USP28: variants seen among roughly 807,000 people sequenced by gnomAD.
USP28 encodes the protein ubiquitin specific peptidase 28, also known as ubiquitin carboxyl-terminal hydrolase 28.
A neutral mutation model predicts 145.0 loss-of-function variants in USP28; 113 were observed. The observed-to-expected ratio is 0.78, with a 90% confidence interval of 0.67 to 0.91. The LOEUF is 0.91. Ranked by LOEUF, USP28 falls within the 40% of genes least tolerant of loss-of-function variation. The pLI is 0.00. For missense variants in USP28, 1,201 were observed against 1,289.6 expected, an observed-to-expected ratio of 0.93 and a Z score of 1.05; for synonymous variants, 447 against 450.9, an observed-to-expected ratio of 0.99 and a Z score of 0.11.
intron 1 of USP28, among the ~76,000 whole-genome samples, chr11:113,868,430 G>C (rs1192897863): frequency 2.0e-5 from 3 of 152,076 alleles, no homozygotes; most frequent in Admixed American, 2.0e-4. Context: ...AATTATTAAA[G>C]TGCTACATAG....
chr11:113,819,000 A>G lies in USP28; in HGVS notation c.1284-1163T>C, dbSNP rs555156430. Among the ~76,000 whole-genome samples, 9 of 152,312 alleles carry G rather than the reference A, an allele frequency of 5.9e-5. No homozygotes were observed. In the South Asian group the frequency reaches 1.9e-3, roughly 32 times the overall value. On this transcript the variant is annotated intron_variant, in intron 12 of 24. Transcript: ENST00000003302. ...CAATGTACACCTCTATCAGTTTAGTAGAATCAGAGCAAAAGTGGTTAAAAA... is the reference window on the plus strand; with the variant it reads ...CAATGTACACCTCTATCAGTTTAGTGGAATCAGAGCAAAAGTGGTTAAAAA...
chr11:113,823,602 C>G lies in USP28; in HGVS notation c.1283+3G>C. 1 of 1,606,536 alleles carries G rather than the reference C, an allele frequency of 6.2e-7. No individual in the cohort carries two copies. The highest frequency in any genetic ancestry group is 8.5e-7 in the Non-Finnish European group (1 of 1,176,756). On this transcript the variant is annotated splice_donor_region_variant and intron_variant, in intron 12 of 24. Transcript: ENST00000003302. The stretch of plus-strand genomic sequence containing the variant: ...TCTAAGCATGAAGGTGTCCAAAACT[C>G]ACCTTTCCAATTTTTGCTGCAGAAT...
At chr11:113,811,619 C>G (rs748504451) in intron 16 of USP28, among the ~76,000 whole-genome samples, 1 of 152,016 alleles carries the variant, frequency 6.6e-6, no homozygotes, top group African/African-American at 2.4e-5. Context: ...ACCTGGCAGG[C>G]GGAGGTTGCA....
chr11:113,856,144 G>A lies in USP28; in HGVS notation c.58-1809C>T, dbSNP rs569177711. 2.6e-4 allele frequency among the ~76,000 whole-genome samples: 39 copies of A among 152,272 alleles called. No homozygotes were observed. In the East Asian group the frequency reaches 6.8e-3, roughly 26 times the overall value. On this transcript the variant is annotated intron_variant, in intron 1 of 24. Coordinates refer to ENST00000003302, the Ensembl canonical transcript of USP28. ...TAAAATCGCAAGCATGTAATTTTTA[G>A]AAAAATTAAATACTAGTTGTTTTAA...
intron 13 of USP28, among the ~76,000 whole-genome samples, chr11:113,817,323 T>C (rs1221037902): frequency 2.6e-5 from 4 of 152,206 alleles, no homozygotes; most frequent in African/African-American, 9.7e-5. Context: ...ATGAGATGTT[T>C]TGGAAGAGCA....
intron 1 of USP28, among the ~76,000 whole-genome samples, chr11:113,865,629 C>T (rs1232873366): frequency 1.3e-5 from 2 of 152,160 alleles, no homozygotes; most frequent in East Asian, 3.8e-4. Flanking sequence ...GGTATTGGTA[C>T]AACTGGATAT....
At chr11:113,869,339 G>T (rs1165618805) in intron 1 of USP28, among the ~76,000 whole-genome samples, 1 of 152,186 alleles carries the variant, frequency 6.6e-6, no homozygotes, top group Non-Finnish European at 1.5e-5. Context: ...AGAGGCAGAA[G>T]AATCAATAGA....
At chr11:113,803,161 A>G (rs1178654244) in exon 23 of USP28, 1 of 1,613,360 alleles carries the variant, frequency 6.2e-7, no homozygotes, top group African/African-American at 1.3e-5. Context: ...TACAAACCAG[A>G]AGGCATTTTC....
intron 17 of USP28, among the ~76,000 whole-genome samples, chr11:113,808,688 T>C (rs891352701): frequency 1.3e-5 from 2 of 152,172 alleles, no homozygotes; most frequent in Non-Finnish European, 2.9e-5. Flanking sequence ...ACTCCCAACT[T>C]TGTCATATTT....
intron 3 of USP28, among the ~76,000 whole-genome samples, chr11:113,850,143 A>G (rs560108096): frequency 6.6e-6 from 1 of 152,322 alleles, no homozygotes; most frequent in African/African-American, 2.4e-5. Flanking sequence ...GGTTACTCTC[A>G]AGCCCTGTTA....
intron 18 of USP28, 36 bp from the exon 20 acceptor site, chr11:113,806,620 A>T: frequency 7.0e-7 from 1 of 1,438,322 alleles, no homozygotes. Flanking sequence ...GAGAGAAAGG[A>T]GAGAAGAAAG....
At chr11:113,852,969 T>C (rs2136489637) in intron 2 of USP28, among the ~76,000 whole-genome samples, 1 of 152,104 alleles carries the variant, frequency 6.6e-6, no homozygotes, top group Non-Finnish European at 1.5e-5. Context: ...GGCTGGCAAT[T>C]AACATAGACA....
At chr11:113,830,583 C>T (rs1034060251) in intron 9 of USP28, among the ~76,000 whole-genome samples, 16 of 151,992 alleles carry the variant, frequency 1.1e-4, no homozygotes, top group East Asian at 1.9e-4. Context: ...CAGAGAAAAC[C>T]GAGTAAAATC....
chr11:113,872,958 C>T (rs1328687413), intron 1 of USP28, among the ~76,000 whole-genome samples: 1 of 152,156 alleles, frequency 6.6e-6, no homozygotes, highest in African/African-American at 2.4e-5. Context: ...ACATATTTCT[C>T]GCACTAAAAT....
chr11:113,825,973 TG>T (rs1293289502), intron 11 of USP28, among the ~76,000 whole-genome samples: 1 of 152,092 alleles, frequency 6.6e-6, no homozygotes, highest in African/African-American at 2.4e-5. Flanking sequence ...AAATAAACCA[TG>T]GGATAAGAAT....
chr11:113,837,679 T>C (rs1303722090), intron 5 of USP28, among the ~76,000 whole-genome samples: 2 of 152,212 alleles, frequency 1.3e-5, no homozygotes, highest in East Asian at 3.9e-4. Flanking sequence ...TTCATTAAAT[T>C]CACAGAGTGC....
intron 1 of USP28, among the ~76,000 whole-genome samples, chr11:113,864,740 A>G (rs1948095493): frequency 6.6e-6 from 1 of 152,216 alleles, no homozygotes; most frequent in Non-Finnish European, 1.5e-5. Context: ...CTACTGATTC[A>G]ATGTTAATCT....
chr11:113,874,403 CA>C, intron 1 of USP28: 1 of 986,050 alleles, frequency 1.0e-6, no homozygotes, highest in Non-Finnish European at 1.3e-6. Flanking sequence ...CCAGCCTAGG[CA>C]ACAGAGGGAG....
At chr11:113,847,833 T>C (rs1946044471) in intron 3 of USP28, among the ~76,000 whole-genome samples, 1 of 152,198 alleles carries the variant, frequency 6.6e-6, no homozygotes, top group Admixed American at 6.5e-5. Context: ...ATTCACTCAC[T>C]GAATATGCCC....
Sources: allele counts gnomAD v4.1 joint callset (sites outside exome capture counted in the v4.1 genomes callset), GRCh38; gene constraint gnomAD v4.1.1; transcripts MANE v1.5; gene names NCBI Gene and HGNC (gene_info 2026-07-23, HGNC 2026-07-21).